The following TTBK2 variants were observed in gnomAD, a reference collection of about 807,000 sequenced individuals.
TTBK2 encodes tau-tubulin kinase 2.
Under a neutral mutation model 110.8 loss-of-function variants are expected in TTBK2, and 28 were observed. That is an observed-to-expected ratio of 0.25 (90% CI 0.19 to 0.35). The LOEUF (loss-of-function observed/expected upper bound fraction) is 0.35. Among genes scored for constraint, TTBK2 ranks in the 10% least tolerant of loss-of-function variants. The probability of loss-of-function intolerance (pLI) is 1.00; values close to 1 mark genes in which losing one functional copy is unlikely to be tolerated. For missense variants in TTBK2, 1,369 were observed against 1,500.3 expected, an observed-to-expected ratio of 0.91 and a Z score of 1.45; for synonymous variants, 532 against 527.3, an observed-to-expected ratio of 1.01 and a Z score of -0.12.
chr15:42,767,034 C>T (rs957169382), intron 13 of TTBK2, among the ~76,000 whole-genome samples: 2 of 152,282 alleles, frequency 1.3e-5, no homozygotes, highest in African/African-American at 4.8e-5. Flanking sequence ...TGAATGACTA[C>T]TGGGTAAATA....
rs1463736404 is a variant in TTBK2 at position 42,872,882 on chromosome 15, T to C, written c.70-124A>G. On this transcript the variant is annotated intron_variant, in intron 2 of 14. Transcript: ENST00000267890. ...TCTGTTTTTTGATAAAATATTTAAA[T>C]ATTGTTAAATTAACTATGTATATGC... 3 of 1,204,344 alleles carry C rather than the reference T, an allele frequency of 2.5e-6. No homozygotes were observed. In the African/African-American group the frequency reaches 4.6e-5, roughly 18 times the overall value. 74.6% of individuals were successfully genotyped at this position (1,204,344 alleles called of 1,614,324 possible).
At chr15:42,764,776 G>A (rs1889277659) in intron 13 of TTBK2, among the ~76,000 whole-genome samples, 1 of 152,260 alleles carries the variant, frequency 6.6e-6, no homozygotes, top group African/African-American at 2.4e-5. Context: ...CATGGAGTTT[G>A]AGCTCGGAGA....
chr15:42,874,463 T>C (rs1009792869), intron 2 of TTBK2, among the ~76,000 whole-genome samples: 5 of 151,716 alleles, frequency 3.3e-5, no homozygotes, highest in Non-Finnish European at 5.9e-5. Flanking sequence ...ATTACAGGTG[T>C]GCACCACCAC....
At chr15:42,911,890 G>C (rs2030775272) in intron 1 of TTBK2, among the ~76,000 whole-genome samples, 1 of 152,000 alleles carries the variant, frequency 6.6e-6, no homozygotes, top group Admixed American at 6.6e-5. Context: ...GGCTTCTCCA[G>C]GCCACAGTGG....
chr15:42,829,788 T>G (rs553989835), intron 5 of TTBK2, 150 bp downstream of exon 5: 1 of 1,030,218 alleles, frequency 9.7e-7, no homozygotes, highest in African/African-American at 1.6e-5. Flanking sequence ...GTAAGTTATA[T>G]TTTTGCTTCC....
intron 10 of TTBK2, among the ~76,000 whole-genome samples, chr15:42,788,885 T>A (rs1890522150): frequency 6.6e-6 from 1 of 152,166 alleles, no homozygotes; most frequent in African/African-American, 2.4e-5. Flanking sequence ...TGGTCTTAAG[T>A]CTGCTGTAGT....
At chr15:42,770,803 C>A (rs181910306) in intron 13 of TTBK2, among the ~76,000 whole-genome samples, 20 of 152,286 alleles carry the variant, frequency 1.3e-4, no homozygotes, top group African/African-American at 4.8e-4. Flanking sequence ...CACCTTTTCA[C>A]ATTATTAAAG....
intron 1 of TTBK2, among the ~76,000 whole-genome samples, chr15:42,903,321 A>C (rs1449466734): frequency 1.3e-5 from 2 of 152,212 alleles, no homozygotes; most frequent in Non-Finnish European, 2.9e-5. Context: ...TCCATTTAGA[A>C]AAATGAAAAA....
chr15:42,863,743 A>C (rs1316842178), intron 3 of TTBK2, among the ~76,000 whole-genome samples: 5 of 152,220 alleles, frequency 3.3e-5, no homozygotes. Context: ...ACACAGACCA[A>C]TGGAACAGGT....
intron 6 of TTBK2, among the ~76,000 whole-genome samples, chr15:42,826,779 ACT>A (rs1350876594): frequency 1.3e-5 from 2 of 151,916 alleles, no homozygotes; most frequent in African/African-American, 4.8e-5. Flanking sequence ...GCTCAACTAA[ACT>A]CTGTTCAATT....
At chr15:42,849,893 C>G (rs982913081) in intron 3 of TTBK2, among the ~76,000 whole-genome samples, 2 of 152,164 alleles carry the variant, frequency 1.3e-5, no homozygotes, top group African/African-American at 2.4e-5. Flanking sequence ...GTTCTTCCCT[C>G]TTCTACAATC....
At chr15:42,905,408 G>A (rs1413700200) in intron 1 of TTBK2, among the ~76,000 whole-genome samples, 2 of 151,830 alleles carry the variant, frequency 1.3e-5, no homozygotes, top group Non-Finnish European at 2.9e-5. Flanking sequence ...CAGGTAGCTG[G>A]GACCACAGGC....
chr15:42,848,703 TG>T (rs1334392295), intron 3 of TTBK2, among the ~76,000 whole-genome samples: 2 of 152,242 alleles, frequency 1.3e-5, no homozygotes, highest in Non-Finnish European at 2.9e-5. Context: ...TTGGTCAGGC[TG>T]GTCTCGAACT....
At chr15:42,887,943 C>T (rs1895310284) in intron 1 of TTBK2, among the ~76,000 whole-genome samples, 1 of 150,602 alleles carries the variant, frequency 6.6e-6, no homozygotes, top group East Asian at 1.9e-4. Flanking sequence ...TGCTCTCCCG[C>T]TGATCGTGTC....
chr15:42,895,625 C>A (rs1255975758), intron 1 of TTBK2, among the ~76,000 whole-genome samples: 2 of 151,688 alleles, frequency 1.3e-5, no homozygotes, highest in Non-Finnish European at 2.9e-5. Flanking sequence ...GCAAGTTCCG[C>A]CTCCCGGGTT....
At chr15:42,790,057 T>C in intron 10 of TTBK2, among the ~76,000 whole-genome samples, 1 of 152,026 alleles carries the variant, frequency 6.6e-6, no homozygotes, top group Non-Finnish European at 1.5e-5. Flanking sequence ...CTTCAATAAA[T>C]GGTGCCGGAA....
At chr15:42,878,150 CT>C (rs530318163) in intron 2 of TTBK2, among the ~76,000 whole-genome samples, 8,720 of 137,930 alleles carry the variant, frequency 0.063, 731 homozygotes, top group African/African-American at 0.2. Flanking sequence ...ATTTTTTTTG[CT>C]TTTTTTTTTT....
rs1892069672 is a variant in TTBK2 at position 42,817,094 on chromosome 15, G to A, written c.541C>T (p.Arg181Ter). 6.2e-7 allele frequency: 1 copy of A among 1,606,286 alleles called. No homozygotes were observed. The highest frequency in any genetic ancestry group is 8.5e-7 in the Non-Finnish European group (1 of 1,175,440). ...GTCCCTCGAAAACCTGCCACAGCTC[G>A]AGGCTACAACGAAGCCATGCAAAGA... ...TNSCGDVRPPRAVAGFRGTVR... is the reference protein window; with the variant it reads ...TNSCGDVRPP The change falls in exon 7 of 15, where the codon CGA (arginine) becomes TGA (stop). Residue 181 changes from arginine (R) to a stop codon, truncating the protein, a stop_gained. Coordinates refer to ENST00000267890, the MANE Select transcript of TTBK2 (RefSeq NM_173500.4). LOFTEE classifies it high-confidence loss of function.
Position 42,810,622 on chromosome 15 carries a change from C to G in TTBK2, c.814G>C (p.Asp272His), listed in dbSNP as rs775341955. 1 of 1,613,854 alleles carries G rather than the reference C, an allele frequency of 6.2e-7. No individual in the cohort carries two copies. Among genetic ancestry groups the G allele is most frequent in the Non-Finnish European group, 8.5e-7 (1 of 1,179,872 alleles). Residue 272 changes from aspartate (D) to histidine (H), a missense_variant, in exon 9 of 15, where the codon GAC (aspartate) becomes CAC (histidine). Transcript: ENST00000267890. Reference sequence around the variant, plus strand: ...CTCACAAAGATGGTTACCTGGTAGTCTGGTTTTGTAAAATAATCCAAAGAA... The same window carrying G: ...CTCACAAAGATGGTTACCTGGTAGTGTGGTTTTGTAAAATAATCCAAAGAA... ...ISSLDYFTKP[D>H]YQLLTSVFDN...
Sources: allele counts gnomAD v4.1 joint callset (sites outside exome capture counted in the v4.1 genomes callset), GRCh38; gene constraint gnomAD v4.1.1; transcripts MANE v1.5; gene names NCBI Gene and HGNC (gene_info 2026-07-23, HGNC 2026-07-21).